RPS6KC1: variants seen among roughly 807,000 people sequenced by gnomAD.
The protein encoded by RPS6KC1 is ribosomal protein S6 kinase C1.
In RPS6KC1, 54 loss-of-function variants were observed where a neutral mutation model predicts 103.8. The ratio of observed to expected loss-of-function variants is 0.52; its 90% CI spans 0.42 to 0.65. The LOEUF (loss-of-function observed/expected upper bound fraction) is 0.65, where lower values mean the gene tolerates loss of function less well. Ranked by LOEUF, RPS6KC1 falls within the 30% of genes least tolerant of loss-of-function variation. RPS6KC1 has a pLI of 0.00. For missense variants in RPS6KC1, 1,151 were observed against 1,253.8 expected (o/e 0.92, Z 1.24); for synonymous variants, 439 against 438.7 (o/e 1.00, Z -0.01).
chr1:213,503,064 CT>C, the RPS6KC1 span, among the ~76,000 whole-genome samples: 1 of 151,000 alleles, frequency 6.6e-6, no homozygotes, highest in Non-Finnish European at 1.5e-5. Context: ...TAAAAAGTGG[CT>C]TTTTTTTTCT....
the RPS6KC1 span, among the ~76,000 whole-genome samples, chr1:213,484,098 C>T: frequency 6.6e-6 from 1 of 151,948 alleles, no homozygotes; most frequent in Non-Finnish European, 1.5e-5. Flanking sequence ...TTTTATTTTA[C>T]ACTAAATGGC....
At chr1:213,279,704 T>G (rs1347893890), downstream of RPS6KC1, among the ~76,000 whole-genome samples, 1 of 152,216 alleles carries the variant, frequency 6.6e-6, no homozygotes, top group Non-Finnish European at 1.5e-5. Context: ...TCTCAAAAAG[T>G]GGTCCCCAAT....
At chr1:213,739,261 T>C in the RPS6KC1 span, among the ~76,000 whole-genome samples, 1 of 152,224 alleles carries the variant, frequency 6.6e-6, no homozygotes, top group Admixed American at 6.5e-5. Context: ...AATAACATTT[T>C]GTTTTCTCTA....
At chr1:213,247,197 C>G (rs542231758) in intron 12 of RPS6KC1, among the ~76,000 whole-genome samples, 1 of 152,150 alleles carries the variant, frequency 6.6e-6, no homozygotes, top group Non-Finnish European at 1.5e-5. Context: ...CACTGCAGCC[C>G]GATCTCCATG....
At chr1:213,406,164 C>T in the RPS6KC1 span, among the ~76,000 whole-genome samples, 1 of 152,180 alleles carries the variant, frequency 6.6e-6, no homozygotes, top group Non-Finnish European at 1.5e-5. Context: ...CCACTGGCTC[C>T]ACTGTGGGGT....
chr1:213,517,975 A>G, the RPS6KC1 span, among the ~76,000 whole-genome samples: 30 of 152,112 alleles, frequency 2.0e-4, no homozygotes, highest in African/African-American at 6.8e-4. Context: ...TCCCTTTACC[A>G]TTATGTAATG....
At chr1:213,158,764 T>C (rs2090173445) in intron 6 of RPS6KC1, among the ~76,000 whole-genome samples, 1 of 152,178 alleles carries the variant, frequency 6.6e-6, no homozygotes, top group African/African-American at 2.4e-5. Flanking sequence ...AAATTAGTAG[T>C]CACAGATATG....
the RPS6KC1 span, among the ~76,000 whole-genome samples, chr1:213,508,546 A>T: frequency 3.3e-5 from 5 of 151,842 alleles, no homozygotes; most frequent in Non-Finnish European, 1.5e-5. Context: ...GTGTGTGTGT[A>T]TGTGTGTGTG....
At chr1:213,565,166 A>G in the RPS6KC1 span, among the ~76,000 whole-genome samples, 2 of 152,362 alleles carry the variant, frequency 1.3e-5, no homozygotes, top group African/African-American at 4.8e-5. Context: ...AGAAATTCAT[A>G]TATTAGAAAT....
chr1:213,635,798 G>T, the RPS6KC1 span, among the ~76,000 whole-genome samples: 1 of 152,262 alleles, frequency 6.6e-6, no homozygotes, highest in South Asian at 2.1e-4. Context: ...GAAATCAGGG[G>T]TATTCAAATA....
At chr1:213,628,133 T>G in the RPS6KC1 span, among the ~76,000 whole-genome samples, 1 of 152,204 alleles carries the variant, frequency 6.6e-6, no homozygotes, top group Non-Finnish European at 1.5e-5. Context: ...TTCAAGTTCT[T>G]CCTGGTTTAG....
the RPS6KC1 span, among the ~76,000 whole-genome samples, chr1:213,545,415 T>TAAATAAATAAAA: frequency 4.0e-3 from 357 of 89,960 alleles, 1 homozygote; most frequent in East Asian, 0.031. Flanking sequence ...AATAAATAAA[T>TAAATAAATAAAA]AAAATAAAAT....
chr1:213,189,139 G>C (rs1427164664), intron 8 of RPS6KC1, among the ~76,000 whole-genome samples: 1 of 152,010 alleles, frequency 6.6e-6, no homozygotes, highest in African/African-American at 2.4e-5. Flanking sequence ...GAGTAACTGG[G>C]TATTCTCTAG....
chr1:213,628,576 ATTAACTTGTCAT>A, the RPS6KC1 span, among the ~76,000 whole-genome samples: 1 of 152,034 alleles, frequency 6.6e-6, no homozygotes, highest in Non-Finnish European at 1.5e-5. Context: ...TGCTGCCCCT[ATTAACTTGTCAT>A]TTAACATTAG....
At chr1:213,849,827 G>C in the RPS6KC1 span, among the ~76,000 whole-genome samples, 4 of 151,606 alleles carry the variant, frequency 2.6e-5, no homozygotes, top group African/African-American at 9.7e-5. Context: ...TTCTGCAAAA[G>C]TTTTATTAAA....
chr1:213,799,167 T>G, the RPS6KC1 span, among the ~76,000 whole-genome samples: 6 of 152,226 alleles, frequency 3.9e-5, no homozygotes, highest in African/African-American at 1.4e-4. Flanking sequence ...GGAAATATCA[T>G]TTCATTGGGT....
the RPS6KC1 span, among the ~76,000 whole-genome samples, chr1:213,429,776 C>T: frequency 6.6e-6 from 1 of 152,210 alleles, no homozygotes; most frequent in Non-Finnish European, 1.5e-5. Flanking sequence ...GAATGAGCAT[C>T]ATGCTAATAC....
intron 6 of RPS6KC1, among the ~76,000 whole-genome samples, chr1:213,131,536 G>T (rs900848908): frequency 1.6e-4 from 24 of 151,728 alleles, no homozygotes; most frequent in African/African-American, 5.8e-4. Flanking sequence ...CTTTGCCTCC[G>T]GGGTTCAAGT....
At chr1:213,784,484 G>T in the RPS6KC1 span, among the ~76,000 whole-genome samples, 2 of 152,212 alleles carry the variant, frequency 1.3e-5, no homozygotes, top group African/African-American at 2.4e-5. Context: ...CAGAGAGTGT[G>T]CTGCAGACAC....
Sources: allele counts gnomAD v4.1 joint callset (sites outside exome capture counted in the v4.1 genomes callset), GRCh38; gene constraint gnomAD v4.1.1; transcripts MANE v1.5; gene names NCBI Gene and HGNC (gene_info 2026-07-23, HGNC 2026-07-21).